ERC1: variants seen among roughly 807,000 people sequenced by gnomAD.
ERC1 encodes RAB6 interacting protein 2.
A neutral mutation model predicts 132.0 loss-of-function variants in ERC1; 56 were observed. The ratio of observed to expected loss-of-function variants is 0.42; its 90% CI spans 0.34 to 0.53. ERC1 has a LOEUF of 0.53. Ranked by LOEUF, ERC1 falls within the 20% of genes least tolerant of loss-of-function variation. The pLI, the probability that ERC1 is intolerant of heterozygous loss-of-function variation, is 0.03. For synonymous variants in ERC1, 478 were observed against 476.1 expected, an observed-to-expected ratio of 1.00 and a Z score of -0.05; for missense variants, 1,202 against 1,349.9, an observed-to-expected ratio of 0.89 and a Z score of 1.72.
At chr12:1,141,286 T>C (rs1203052399) in intron 7 of ERC1, among the ~76,000 whole-genome samples, 2 of 152,194 alleles carry the variant, frequency 1.3e-5, no homozygotes, top group Non-Finnish European at 2.9e-5. Context: ...CTTTTCCTCA[T>C]TTTAGATTTT....
At chr12:1,030,612 T>C (rs1173288657) in intron 2 of ERC1, among the ~76,000 whole-genome samples, 1 of 152,072 alleles carries the variant, frequency 6.6e-6, no homozygotes, top group Non-Finnish European at 1.5e-5. Flanking sequence ...CCTGTACTAC[T>C]TGGGAGACTG....
At chr12:1,335,151 T>C (rs1376056284) in intron 15 of ERC1, among the ~76,000 whole-genome samples, 3 of 152,208 alleles carry the variant, frequency 2.0e-5, no homozygotes, top group African/African-American at 7.2e-5. Context: ...GTTTTCTAGA[T>C]ACAGGATTGT....
chr12:1,440,581 A>G (rs1464260603), intron 17 of ERC1, among the ~76,000 whole-genome samples: 3 of 128,622 alleles, frequency 2.3e-5, no homozygotes, highest in Non-Finnish European at 3.2e-5. Context: ...GCCTTAAGCA[A>G]TCCCCCTGCC....
chr12:1,439,861 C>G (rs757809923), intron 17 of ERC1, among the ~76,000 whole-genome samples: 6 of 152,188 alleles, frequency 3.9e-5, no homozygotes, highest in Non-Finnish European at 8.8e-5. Flanking sequence ...GTGGGAAACA[C>G]AGTTTCTTTT....
At chr12:1,101,387 AC>A (rs1176777191) in intron 3 of ERC1, among the ~76,000 whole-genome samples, 1 of 152,192 alleles carries the variant, frequency 6.6e-6, no homozygotes, top group Non-Finnish European at 1.5e-5. Context: ...TGAGTGTGTT[AC>A]GCCGACATCA....
At chr12:1,073,557 G>T (rs1467619945) in intron 2 of ERC1, among the ~76,000 whole-genome samples, 1 of 151,778 alleles carries the variant, frequency 6.6e-6, no homozygotes, top group African/African-American at 2.4e-5. Flanking sequence ...GCTGAGGCAC[G>T]AGAATGGCTT....
chr12:1,418,666 T>TTTTCTTTCTTTCTTTC (rs202159587), intron 17 of ERC1, among the ~76,000 whole-genome samples: 13 of 86,714 alleles, frequency 1.5e-4, no homozygotes, highest in African/African-American at 5.6e-4. Context: ...TCTCTCTTTC[T>TTTTCTTTCTTTCTTTC]TTTCTTTCTT....
chr12:1,214,002 C>G (rs1227479525), intron 12 of ERC1, among the ~76,000 whole-genome samples: 1 of 152,020 alleles, frequency 6.6e-6, no homozygotes, highest in East Asian at 1.9e-4. Context: ...ATATGCTGCA[C>G]TTTTGGAAAG....
intron 8 of ERC1, among the ~76,000 whole-genome samples, chr12:1,173,405 T>A (rs1168494150): frequency 2.6e-5 from 4 of 152,160 alleles, no homozygotes; most frequent in African/African-American, 7.2e-5. Flanking sequence ...ATTTTAGGGG[T>A]TCTGTGGTTT....
At chr12:1,125,425 A>G (rs1484286425) in intron 7 of ERC1, among the ~76,000 whole-genome samples, 1 of 152,218 alleles carries the variant, frequency 6.6e-6, no homozygotes, top group Non-Finnish European at 1.5e-5. Flanking sequence ...AATAAATTAA[A>G]AGATACTCCA....
intron 4 of ERC1, among the ~76,000 whole-genome samples, chr12:1,105,977 A>T (rs73039006): frequency 1.1e-3 from 171 of 152,308 alleles, no homozygotes; most frequent in Non-Finnish European, 2.0e-3. Context: ...AGTTCCATAG[A>T]CCATCCTTTG....
At chr12:1,175,278 A>T (rs1434042390) in intron 8 of ERC1, among the ~76,000 whole-genome samples, 2 of 152,170 alleles carry the variant, frequency 1.3e-5, no homozygotes, top group East Asian at 1.9e-4. Context: ...TCGTTTCAAA[A>T]AAGATTTCTC....
intron 16 of ERC1, among the ~76,000 whole-genome samples, chr12:1,400,914 G>T (rs11614918): frequency 0.28 from 3,110 of 11,092 alleles, 755 homozygotes; most frequent in Middle Eastern, 0.5. Context: ...GGCTATTTTT[G>T]TATTTTTTTT....
intron 12 of ERC1, among the ~76,000 whole-genome samples, chr12:1,197,357 A>G (rs1203747553): frequency 2.0e-5 from 3 of 152,128 alleles, no homozygotes; most frequent in African/African-American, 7.2e-5. Context: ...AGTCATGCCT[A>G]ACAATTCCAG....
At chr12:1,489,728 G>A (rs75160701) in intron 18 of ERC1, among the ~76,000 whole-genome samples, 3 of 152,156 alleles carry the variant, frequency 2.0e-5, no homozygotes, top group African/African-American at 7.2e-5. Context: ...CCCTTAGGGC[G>A]AGGGTCGCTC....
At chr12:1,406,554 C>T (rs1042701875) in intron 16 of ERC1, among the ~76,000 whole-genome samples, 2 of 152,132 alleles carry the variant, frequency 1.3e-5, no homozygotes. Flanking sequence ...TAAATGGATA[C>T]ACCTAAATAT....
intron 11 of ERC1, 70 bp downstream of exon 11, chr12:1,183,491 TTA>T (rs1954716778): frequency 9.8e-7 from 1 of 1,021,982 alleles, no homozygotes; most frequent in Non-Finnish European, 1.4e-6. Flanking sequence ...CTTAGCATGT[TTA>T]TATGGAATAA....
At chr12:1,364,409 G>C (rs1489731292) in intron 15 of ERC1, among the ~76,000 whole-genome samples, 3 of 152,050 alleles carry the variant, frequency 2.0e-5, no homozygotes, top group African/African-American at 4.8e-5. Context: ...GCATTTTTGT[G>C]TACCCTCTGC....
chr12:1,168,743 T>C (rs907978919), intron 8 of ERC1, among the ~76,000 whole-genome samples: 11 of 152,122 alleles, frequency 7.2e-5, no homozygotes, highest in African/African-American at 2.7e-4. Flanking sequence ...CGCCTCGGCC[T>C]CCCAAAGTGC....
Sources: allele counts gnomAD v4.1 joint callset (sites outside exome capture counted in the v4.1 genomes callset), GRCh38; gene constraint gnomAD v4.1.1; transcripts MANE v1.5; gene names NCBI Gene and HGNC (gene_info 2026-07-23, HGNC 2026-07-21).